CAMK2A: variants seen among roughly 807,000 people sequenced by gnomAD.
CAMK2A encodes calcium/calmodulin dependent protein kinase II alpha, also known as calcium/calmodulin-dependent protein kinase type II subunit alpha.
In CAMK2A, 7 loss-of-function variants were observed where a neutral mutation model predicts 79.2. The observed-to-expected ratio is 0.09, with a 90% CI of 0.05 to 0.17. The LOEUF (loss-of-function observed/expected upper bound fraction) is 0.17, where lower values mean the gene tolerates loss of function less well. Among genes scored for constraint, CAMK2A ranks in the 10% least tolerant of loss-of-function variants. CAMK2A has a pLI of 1.00. For synonymous variants in CAMK2A, 242 were observed against 251.7 expected (o/e 0.96, Z 0.36); for missense variants, 214 against 646.4 (o/e 0.33, Z 7.25).
At chr5:150,273,196 G>A in intron 1 of CAMK2A, 37 bp from the exon 2 acceptor site, 1 of 1,487,818 alleles carries the variant, frequency 6.7e-7, no homozygotes, top group Non-Finnish European at 9.4e-7. Context: ...GTGAGGGAAT[G>A]CCTGAGGGCT....
rs1757584366 is a variant in CAMK2A, at chr5:150,289,711, T to G, written c.-86A>C. The G allele has an allele frequency of 9.2e-7, 1 of 1,091,532 alleles. No homozygotes were observed. Among genetic ancestry groups the G allele is most frequent in the Non-Finnish European group, 1.4e-6 (1 of 728,608 alleles). The allele number at this position is 1,091,532 out of a possible 1,614,324, so 67.6% of individuals were successfully genotyped here. A position where few individuals can be genotyped will look rare whatever the true frequency, so the allele number is the denominator to read the frequency against. ...CTCTGCTCCCGAACCTAGGGACCACTTGCCTGCCCGTGCTGCCGAGTGCAA... is the reference window on the plus strand; with the variant it reads ...CTCTGCTCCCGAACCTAGGGACCACGTGCCTGCCCGTGCTGCCGAGTGCAA... On this transcript the variant is annotated 5_prime_UTR_variant, in exon 1 of 19. Coordinates refer to ENST00000671881, the MANE Select transcript of CAMK2A (RefSeq NM_015981.4).
intron 6 of CAMK2A, 76 bp from the exon 7 acceptor site, chr5:150,253,622 C>G (rs1755929126): frequency 1.6e-6 from 2 of 1,256,224 alleles, no homozygotes. Context: ...AGCCTCACCT[C>G]TAGGGGCCTG....
At chr5:150,267,260 G>A (rs754254460) in intron 2 of CAMK2A, among the ~76,000 whole-genome samples, 104 of 150,676 alleles carry the variant, frequency 6.9e-4, no homozygotes, top group Non-Finnish European at 1.4e-3. Flanking sequence ...CCTACCCCAC[G>A]TCCCATACCC....
chr5:150,285,379 A>G (rs1757382466), intron 1 of CAMK2A, among the ~76,000 whole-genome samples: 1 of 152,190 alleles, frequency 6.6e-6, no homozygotes, highest in African/African-American at 2.4e-5. Flanking sequence ...GTGGAAGAAA[A>G]GCACGGCCCC....
chr5:150,267,257 C>A (rs1252897012), intron 2 of CAMK2A, among the ~76,000 whole-genome samples: 1 of 152,202 alleles, frequency 6.6e-6, no homozygotes, highest in Non-Finnish European at 1.5e-5. Flanking sequence ...TGCCCTACCC[C>A]ACGTCCCATA....
chr5:150,222,926 C>A, intron 18 of CAMK2A, 63 bp downstream of exon 18: 1 of 1,522,492 alleles, frequency 6.6e-7, no homozygotes, highest in Non-Finnish European at 9.1e-7. Flanking sequence ...CGACGTAACC[C>A]CCTCCAGGGC....
chr5:150,225,758 T>A (rs201233070), intron 17 of CAMK2A, among the ~76,000 whole-genome samples: 111 of 6,330 alleles, frequency 0.018, no homozygotes, highest in Non-Finnish European at 0.073. Flanking sequence ...TATTATTATT[T>A]TTTTTAGATG....
intron 1 of CAMK2A, among the ~76,000 whole-genome samples, chr5:150,277,156 G>A (rs1756984011): frequency 6.6e-6 from 1 of 152,202 alleles, no homozygotes; most frequent in African/African-American, 2.4e-5. Flanking sequence ...GGAGGTTGCA[G>A]TGAGCTGAGA....
chr5:150,224,106 T>C (rs1406493994), intron 17 of CAMK2A, among the ~76,000 whole-genome samples: 1 of 152,196 alleles, frequency 6.6e-6, no homozygotes, highest in Non-Finnish European at 1.5e-5. Flanking sequence ...ATGATGGGGC[T>C]GACAAAGTCC....
At chr5:150,247,863 G>A in intron 11 of CAMK2A, 49 bp from the exon 12 acceptor site, 3 of 1,516,344 alleles carry the variant, frequency 2.0e-6, no homozygotes, top group Non-Finnish European at 2.7e-6. Flanking sequence ...GGAGTGAAGG[G>A]ACCCAGGAGG....
At chr5:150,245,665 G>A (rs1189654972) in intron 12 of CAMK2A, among the ~76,000 whole-genome samples, 3 of 152,124 alleles carry the variant, frequency 2.0e-5, no homozygotes, top group African/African-American at 7.2e-5. Flanking sequence ...TACTCACTCC[G>A]GACAGCTGCA....
At position 150,220,885 on chromosome 5, in the gene CAMK2A, T is replaced by C. The variant is rs6869490; in HGVS notation, c.*1825A>G. On this transcript the variant is annotated 3_prime_UTR_variant, in exon 19 of 19. Coordinates refer to ENST00000671881, the MANE Select transcript of CAMK2A (RefSeq NM_015981.4). ...AAGAACCCAGCAGACAGCTGGTGATTGGGGAGAGCTCAGAAAATCTCGGAT... is the reference window on the plus strand; with the variant it reads ...AAGAACCCAGCAGACAGCTGGTGATCGGGGAGAGCTCAGAAAATCTCGGAT... 146,074 of 152,504 alleles carry C rather than the reference T, an allele frequency of 0.96. 69,998 individuals carry two copies. The highest frequency in any genetic ancestry group is 1 in the East Asian group (5,289 of 5,296). The allele number at this position is 152,504 out of a possible 1,614,324, so 9.4% of individuals were successfully genotyped here.
chr5:150,224,478 A>G (rs532110874), intron 17 of CAMK2A, among the ~76,000 whole-genome samples: 1 of 152,194 alleles, frequency 6.6e-6, no homozygotes, highest in South Asian at 2.1e-4. Flanking sequence ...AAAATGTAAA[A>G]TGTCTTTTTT....
chr5:150,229,384 G>C (rs765482470), intron 16 of CAMK2A, among the ~76,000 whole-genome samples: 11 of 152,310 alleles, frequency 7.2e-5, no homozygotes, highest in Non-Finnish European at 1.5e-4. Flanking sequence ...GGGAGACTGA[G>C]CGCCCCCACT....
At chr5:150,238,471 A>C (rs1356677312) in intron 15 of CAMK2A, 5 of 509,692 alleles carry the variant, frequency 9.8e-6, no homozygotes, top group Non-Finnish European at 1.4e-5. Flanking sequence ...AAATAAAAAT[A>C]AATAAAATAA....
At chr5:150,287,963 G>GTGTGTA (rs1757496522) in intron 1 of CAMK2A, among the ~76,000 whole-genome samples, 1 of 151,768 alleles carries the variant, frequency 6.6e-6, no homozygotes, top group African/African-American at 2.4e-5. Context: ...GTGTGTGTGT[G>GTGTGTA]TGTGTGTGTG....
chr5:150,225,057 AGAGAGAGAGAGAGAGAAAGT>A (rs1309451595), intron 17 of CAMK2A, among the ~76,000 whole-genome samples: 6 of 151,210 alleles, frequency 4.0e-5, no homozygotes, highest in Non-Finnish European at 8.8e-5. Context: ...AGAGAGAGAG[AGAGAGAGAGAGAGAGAAAGT>A]GAGAGAGAGA....
intron 3 of CAMK2A, among the ~76,000 whole-genome samples, chr5:150,260,767 A>G (rs1756273086): frequency 6.6e-6 from 1 of 152,228 alleles, no homozygotes; most frequent in South Asian, 2.1e-4. Context: ...ATACTTTAAA[A>G]AGTATTTGTC....
intron 12 of CAMK2A, among the ~76,000 whole-genome samples, chr5:150,247,256 C>G (rs1755612241): frequency 6.6e-6 from 1 of 152,216 alleles, no homozygotes; most frequent in Non-Finnish European, 1.5e-5. Context: ...GCCTCTCTAG[C>G]CATGTGACCT....
Sources: gnomAD v4.1 joint callset for allele counts (sites outside exome capture counted in the v4.1 genomes callset) on GRCh38, gnomAD v4.1.1 for gene constraint, MANE v1.5 for transcripts, NCBI Gene and HGNC (gene_info 2026-07-23, HGNC 2026-07-21) for gene names.